Variants in SUPT5H observed in about 807,000 individuals in gnomAD.
The protein encoded by SUPT5H is SPT5 homolog, DSIF elongation factor subunit, also known as transcription elongation factor SPT5.
SUPT5H carries 24 observed loss-of-function variants against 142.5 expected under a neutral mutation model. The observed-to-expected ratio is 0.17, with a 90% CI of 0.12 to 0.24. The LOEUF is 0.24. SUPT5H is among the 10% of genes least tolerant of loss of function. The pLI is 1.00. For missense variants in SUPT5H, 893 were observed against 1,471.8 expected (o/e 0.61, Z 6.43); for synonymous variants, 546 against 553.0 (o/e 0.99, Z 0.18).
rs764790425 is a variant in SUPT5H at position 39,470,080 on chromosome 19, C to T, written c.1375-39C>T. ...AGGGGCAGGCAGGTTGTGGTGGTCT[C>T]CCTTCACCTGTTTGTTGTCCCCACA... On this transcript the variant is annotated intron_variant, in intron 16 of 29. Transcript: ENST00000432763. This position sits in a 1 kb window ranked among gnomAD's most constrained non-coding sequence, Gnocchi z 5.8. The T allele has an allele frequency of 1.4e-5, 22 of 1,600,666 alleles. No individual in the cohort carries two copies. Among genetic ancestry groups the T allele is most frequent in the Middle Eastern group, 3.3e-4 (2 of 6,000 alleles).
intron 2 of SUPT5H, among the ~76,000 whole-genome samples, chr19:39,448,387 T>C (rs545949670): frequency 6.6e-6 from 1 of 152,270 alleles, no homozygotes; most frequent in East Asian, 1.9e-4. Context: ...GGAGGGCCTT[T>C]TCTCTAAGCT....
Position 39,473,305 on chromosome 19 carries a change from C to A in SUPT5H, c.2361C>A (p.Tyr787Ter). The A allele has an allele frequency of 6.2e-7, 1 of 1,613,850 alleles. No individual in the cohort carries two copies. The highest frequency in any genetic ancestry group is 8.5e-7 in the Non-Finnish European group (1 of 1,179,968). The change falls in exon 24 of 30, where the codon TAC becomes TAA. Residue 787 changes from tyrosine (Y) to a stop codon, truncating the protein, a stop_gained. Transcript: ENST00000432763. LOFTEE classifies it high-confidence loss of function. The surrounding 1 kb of genome is among the most constrained non-coding windows in gnomAD (Gnocchi z 5.8). ...MYGSGSRTPM[Y>*]GSQTPLQDGS... Reference sequence around the variant, plus strand: ...GCTCTGGCTCCCGAACACCCATGTACGGCTCACAGACACCCCTCCAGGATG... The same window carrying A: ...GCTCTGGCTCCCGAACACCCATGTAAGGCTCACAGACACCCCTCCAGGATG...
In SUPT5H at chr19:39,445,847, G is replaced by A. The variant is rs772085773; in HGVS notation, c.-44G>A. On this transcript the variant is annotated 5_prime_UTR_variant, in exon 2 of 30. It adds an upstream start codon to the 5' untranslated region. Coordinates refer to ENST00000432763, the MANE Select transcript of SUPT5H (RefSeq NM_001111020.3). ...GAGGCTCGGGGTGGAGCGCAGGATTGTGGGACGCGCCAAGGCTGCTGTCTT... is the reference window on the plus strand; with the variant it reads ...GAGGCTCGGGGTGGAGCGCAGGATTATGGGACGCGCCAAGGCTGCTGTCTT... 2 of 1,605,884 alleles carry A rather than the reference G, an allele frequency of 1.2e-6. No individual in the cohort carries two copies. The highest frequency in any genetic ancestry group is 1.1e-5 in the South Asian group (1 of 89,988).
chr19:39,466,471 C>T lies in SUPT5H; in HGVS notation c.877-9C>T. ...GGGGCCCTGCTGACCTTCTGCTCGC[C>T]CTGCTCAGGTGGACTACGTGGAGCC... is the stretch of plus-strand genomic sequence containing the variant. On this transcript the variant is annotated splice_polypyrimidine_tract_variant and intron_variant, in intron 11 of 29. Coordinates refer to ENST00000432763, the MANE Select transcript of SUPT5H (RefSeq NM_001111020.3). The surrounding 1 kb of genome is among the most constrained non-coding windows in gnomAD (Gnocchi z 4.3). 6.2e-7 allele frequency: 1 copy of T among 1,613,582 alleles called. No homozygotes were observed. Among genetic ancestry groups the T allele is most frequent in the South Asian group, 1.1e-5 (1 of 91,052 alleles).
At position 39,466,803 on chromosome 19, in the gene SUPT5H, C is replaced by T. The variant is rs1180338650; in HGVS notation, c.1037+58C>T. 1 of 1,569,408 alleles carries T rather than the reference C, an allele frequency of 6.4e-7. No homozygotes were observed. The highest frequency in any genetic ancestry group is 8.8e-7 in the Non-Finnish European group (1 of 1,139,648). ...CCCCAGGGCCGGTGTGTAGAATGTG[C>T]CTTTTGCAGGTTCCTCCCCAGGGGT... On this transcript the variant is annotated intron_variant, in intron 13 of 29. Coordinates refer to ENST00000432763, the MANE Select transcript of SUPT5H (RefSeq NM_001111020.3). The surrounding 1 kb of genome is among the most constrained non-coding windows in gnomAD (Gnocchi z 4.3).
intron 3 of SUPT5H, among the ~76,000 whole-genome samples, chr19:39,455,608 G>A (rs925967988): frequency 4.0e-5 from 6 of 150,962 alleles, no homozygotes; most frequent in African/African-American, 1.2e-4. Flanking sequence ...TGGATTACAT[G>A]CATTTCTTTT....
In SUPT5H at chr19:39,471,378, G is replaced by A; in HGVS notation, c.1699G>A (p.Val567Met). ...GTAGGTGCTGAACATGTACGGGAAG[G>A]TGGTGACTGTCAGACATCAGGCTGT... ...TFQVLNMYGKVVTVRHQAVTR... is the reference protein window; with the variant it reads ...TFQVLNMYGKMVTVRHQAVTR... The change falls in exon 19 of 30, where the codon GTG becomes ATG. Residue 567 changes from valine to methionine, a missense_variant. Around this residue, in one of 6 missense-constraint regions of SUPT5H, gnomAD observed 428 missense variants for 763.5 expected, o/e 0.56. Coordinates refer to ENST00000432763, the MANE Select transcript of SUPT5H (RefSeq NM_001111020.3). 1 of 1,614,202 alleles carries A rather than the reference G, an allele frequency of 6.2e-7. No individual in the cohort carries two copies. The highest frequency in any genetic ancestry group is 8.5e-7 in the Non-Finnish European group (1 of 1,180,032).
Position 39,453,801 on chromosome 19 carries a change from G to A in SUPT5H, c.241+280G>A, listed in dbSNP as rs112183348. Among the ~76,000 whole-genome samples, 300 of 152,260 alleles carry A rather than the reference G, an allele frequency of 2.0e-3. 1 individual carries two copies. Among genetic ancestry groups the A allele is most frequent in the African/African-American group, 6.8e-3 (284 of 41,548 alleles). ...AGGGTGGTCTCAATCTCCTGACCTC[G>A]TGATCTGCCCGCCTTGGCCTCCCAA... On this transcript the variant is annotated intron_variant, in intron 3 of 29. Transcript: ENST00000432763.
intron 11 of SUPT5H, among the ~76,000 whole-genome samples, chr19:39,465,340 C>G (rs2079220361): frequency 6.6e-6 from 1 of 152,210 alleles, no homozygotes; most frequent in African/African-American, 2.4e-5. Context: ...ATGGCACAGT[C>G]ACTGGCTACA....
At chr19:39,460,615 G>A (rs1309022566) in intron 10 of SUPT5H, among the ~76,000 whole-genome samples, 1 of 152,124 alleles carries the variant, frequency 6.6e-6, no homozygotes, top group Non-Finnish European at 1.5e-5. Context: ...GTGCACACCT[G>A]TAGTCCCAGC....
chr19:39,473,017 A>G lies in SUPT5H; in HGVS notation c.2161A>G (p.Ile721Val), dbSNP rs765653586. Residue 721 changes from isoleucine to valine, a missense_variant, in exon 23 of 30, where the codon ATC (isoleucine) becomes GTC (valine). This residue lies in a region of SUPT5H where 336 missense variants were observed against 546.5 expected (regional missense o/e 0.61). Transcript: ENST00000432763. This position sits in a 1 kb window ranked among gnomAD's most constrained non-coding sequence, Gnocchi z 5.8. Reference protein sequence around the residue: ...RISQGPYKGYIGVVKDATEST... With the variant: ...RISQGPYKGYVGVVKDATEST... Reference sequence around the variant, plus strand: ...GACCTCCTGTCCCCCTGCAGGCTACATCGGTGTGGTGAAAGATGCCACAGA... The same window carrying G: ...GACCTCCTGTCCCCCTGCAGGCTACGTCGGTGTGGTGAAAGATGCCACAGA... 13 of 1,613,722 alleles carry G rather than the reference A, an allele frequency of 8.1e-6. No individual in the cohort carries two copies. Among genetic ancestry groups the G allele is most frequent in the Non-Finnish European group, 8.5e-6 (10 of 1,179,820 alleles).
In SUPT5H at chr19:39,449,088, T is replaced by TCAAAAAA. The variant is rs368086027; in HGVS notation, c.75+3142_75+3148dup. Among the ~76,000 whole-genome samples the TCAAAAAA allele has an allele frequency of 3.7e-4, 55 of 150,370 alleles. 1 individual carries two copies. Among genetic ancestry groups the TCAAAAAA allele is most frequent in the African/African-American group, 1.2e-3 (50 of 41,104 alleles). On this transcript the variant is annotated intron_variant, in intron 2 of 29. Coordinates refer to ENST00000432763, the MANE Select transcript of SUPT5H (RefSeq NM_001111020.3). ...CTGGGAGACAGAGCGAGACTGCATCTCAAAAAACAAAAAACAAAAAACAAA... is the reference window on the plus strand; with the variant it reads ...CTGGGAGACAGAGCGAGACTGCATCTCAAAAAACAAAAAACAAAAAACAAAAAACAAA...
intron 20 of SUPT5H, chr19:39,471,951 G>C: frequency 1.5e-6 from 1 of 668,090 alleles, no homozygotes; most frequent in South Asian, 2.3e-5. Context: ...GCACCTGTTA[G>C]GTGCCAGACA....
chr19:39,458,504 T>C lies in SUPT5H; in HGVS notation c.319+199T>C, dbSNP rs1314811160. ...TTGTTGACCTGGGAAAGCACGGATG[T>C]GTCTGTCTGGGACTGAGCATTTGTG... is the stretch of plus-strand genomic sequence containing the variant. On this transcript the variant is annotated intron_variant, in intron 5 of 29. Coordinates refer to ENST00000432763, the MANE Select transcript of SUPT5H (RefSeq NM_001111020.3). This position sits in a 1 kb window ranked among gnomAD's most constrained non-coding sequence, Gnocchi z 4.2. The C allele has an allele frequency of 1.9e-6, 2 of 1,027,424 alleles. No individual in the cohort carries two copies. Among genetic ancestry groups the C allele is most frequent in the Non-Finnish European group, 2.9e-6 (2 of 700,902 alleles). The allele number at this position is 1,027,424 out of a possible 1,614,324, so 63.6% of individuals were successfully genotyped here. A position where few individuals can be genotyped will look rare whatever the true frequency, so the allele number is the denominator to read the frequency against.
Position 39,470,769 on chromosome 19 carries a change from G to A in SUPT5H, c.1677+246G>A, listed in dbSNP as rs2079308596. 6.6e-6 allele frequency among the ~76,000 whole-genome samples: 1 copy of A among 152,166 alleles called. No homozygotes were observed. The highest frequency in any genetic ancestry group is 2.1e-4 in the South Asian group (1 of 4,830). On this transcript the variant is annotated intron_variant, in intron 18 of 29. Coordinates refer to ENST00000432763, the MANE Select transcript of SUPT5H (RefSeq NM_001111020.3). This position sits in a 1 kb window ranked among gnomAD's most constrained non-coding sequence, Gnocchi z 5.8. ...CTTTGTTCATAGTGAATGATTCCCT[G>A]AGGTTAGATCTGTACCCTGGTGGCT...
Position 39,466,037 on chromosome 19 carries a change from G to A in SUPT5H, c.877-443G>A, listed in dbSNP as rs2079230227. On this transcript the variant is annotated intron_variant, in intron 11 of 29. Coordinates refer to ENST00000432763, the MANE Select transcript of SUPT5H (RefSeq NM_001111020.3). The surrounding 1 kb of genome is among the most constrained non-coding windows in gnomAD (Gnocchi z 4.3). ...TATTTTTGAGCATTTTGGGTTTTTG[G>A]ATTTGGAATGCTGAGACTGCAGTGG... is the stretch of plus-strand genomic sequence containing the variant. Among the ~76,000 whole-genome samples, 1 of 152,130 alleles carries A rather than the reference G, an allele frequency of 6.6e-6. No homozygotes were observed. The highest frequency in any genetic ancestry group is 2.4e-5 in the African/African-American group (1 of 41,426).
intron 2 of SUPT5H, 43 bp from the exon 3 acceptor site, chr19:39,453,313 G>T: frequency 6.5e-7 from 1 of 1,542,796 alleles, no homozygotes; most frequent in South Asian, 1.2e-5. Context: ...GGATTTTTGG[G>T]GTAGCAGAAT....
Position 39,466,852 on chromosome 19 carries a change from T to TGGCGG in SUPT5H, c.1037+108_1037+109insGCGGG. 9.3e-7 allele frequency: 1 copy of TGGCGG among 1,080,950 alleles called. No homozygotes were observed. The highest frequency in any genetic ancestry group is 1.4e-6 in the Non-Finnish European group (1 of 704,486). The allele number at this position is 1,080,950 out of a possible 1,614,324, so 67.0% of individuals were successfully genotyped here. A position where few individuals can be genotyped will look rare whatever the true frequency, so the allele number is the denominator to read the frequency against. On this transcript the variant is annotated intron_variant, in intron 13 of 29. Transcript: ENST00000432763. The surrounding 1 kb of genome is among the most constrained non-coding windows in gnomAD (Gnocchi z 4.3). ...GTGGCCCCGCCACAGGTTTAGCCTG[T>TGGCGG]GAATTGGTTAGCTTGGCAGTATAGC... is the stretch of plus-strand genomic sequence containing the variant.
chr19:39,471,956 C>T, intron 20 of SUPT5H: 1 of 642,756 alleles, frequency 1.6e-6, no homozygotes, highest in Non-Finnish European at 2.5e-6. Flanking sequence ...TGTTAGGTGC[C>T]AGACACTGGA....
Sources: allele counts gnomAD v4.1 joint callset (sites outside exome capture counted in the v4.1 genomes callset), GRCh38; gene constraint gnomAD v4.1.1; regional missense constraint gnomAD v4.1.1; non-coding constraint Gnocchi (gnomAD v3.1); transcripts MANE v1.5; gene names NCBI Gene and HGNC (gene_info 2026-07-23, HGNC 2026-07-21).